ARFGEF2: variants seen among roughly 807,000 people sequenced by gnomAD.
The protein encoded by ARFGEF2 is ARF guanine nucleotide exchange factor 2, also known as brefeldin A-inhibited guanine nucleotide-exchange protein 2.
Under a neutral mutation model 219.9 loss-of-function variants are expected in ARFGEF2, and 74 were observed. The ratio of observed to expected loss-of-function variants is 0.34; its 90% CI spans 0.28 to 0.41. The LOEUF (loss-of-function observed/expected upper bound fraction) is 0.41. Ranked by LOEUF, ARFGEF2 falls within the 10% of genes least tolerant of loss-of-function variation. The pLI is 1.00. For missense variants in ARFGEF2, 1,743 were observed against 2,218.3 expected (o/e 0.79, Z 4.30); for synonymous variants, 733 against 799.2 (o/e 0.92, Z 1.40).
intron 6 of ARFGEF2, among the ~76,000 whole-genome samples, chr20:48,959,575 T>TTCCCTTCTTCCTTTCCTCCTTCCTTTTC (rs2091132173): frequency 3.4e-5 from 1 of 29,208 alleles, no homozygotes; most frequent in Non-Finnish European, 6.2e-5. Context: ...CCCTCCCTCC[T>TTCCCTTCTTCCTTTCCTCCTTCCTTTTC]TCCTTCCCTC....
intron 20 of ARFGEF2, 133 bp downstream of exon 20, chr20:48,989,817 A>G: frequency 7.4e-7 from 1 of 1,350,282 alleles, no homozygotes; most frequent in Non-Finnish European, 1.0e-6. Context: ...GCCTACTGAC[A>G]AGAAATCCGT....
intron 13 of ARFGEF2, among the ~76,000 whole-genome samples, 181 bp from the exon 14 acceptor site, chr20:48,975,835 G>C (rs1293945588): frequency 6.8e-6 from 1 of 147,676 alleles, no homozygotes; most frequent in East Asian, 2.0e-4. Flanking sequence ...CAAGTTTCAT[G>C]AGGAAACAAG....
chr20:49,019,432 G>T (rs1325108795), intron 34 of ARFGEF2, among the ~76,000 whole-genome samples: 1 of 152,068 alleles, frequency 6.6e-6, no homozygotes, highest in Non-Finnish European at 1.5e-5. Flanking sequence ...TGTTTTATAC[G>T]ATTGTCTATT....
At chr20:49,015,341 T>C (rs1287201859) in intron 30 of ARFGEF2, among the ~76,000 whole-genome samples, 1 of 152,178 alleles carries the variant, frequency 6.6e-6, no homozygotes, top group Non-Finnish European at 1.5e-5. Context: ...CTCAAACTCC[T>C]GACCTCAAGT....
chr20:48,933,247 G>A (rs1038392095), intron 1 of ARFGEF2, among the ~76,000 whole-genome samples: 1 of 152,216 alleles, frequency 6.6e-6, no homozygotes, highest in African/African-American at 2.4e-5. Context: ...GAGCAATAAA[G>A]TGGAGCAGGT....
intron 1 of ARFGEF2, 135 bp from the exon 2 acceptor site, chr20:48,941,064 A>T: frequency 1.3e-6 from 1 of 778,264 alleles, no homozygotes; most frequent in Non-Finnish European, 2.2e-6. Flanking sequence ...TATTTCTTTC[A>T]CTTCATATCA....
intron 37 of ARFGEF2, 139 bp downstream of exon 37, chr20:49,028,807 C>G: frequency 1.1e-6 from 1 of 878,052 alleles, no homozygotes; most frequent in South Asian, 1.5e-5. Context: ...TTTGGTGACT[C>G]TCCCATTTCA....
At position 48,921,756 on chromosome 20, in the gene ARFGEF2, A is replaced by C; in HGVS notation, c.-134A>C. On this transcript the variant is annotated 5_prime_UTR_variant, in exon 1 of 39. Coordinates refer to ENST00000371917, the MANE Select transcript of ARFGEF2 (RefSeq NM_006420.3). ...CCAACATGGCGGCGCCGTGGGGCCG[A>C]GGTGTCGCTTCCTGACGGGGCGGCG... is the stretch of plus-strand genomic sequence containing the variant. 1 of 934,542 alleles carries C rather than the reference A, an allele frequency of 1.1e-6. No individual in the cohort carries two copies. Among genetic ancestry groups the C allele is most frequent in the Non-Finnish European group, 1.3e-6 (1 of 742,642 alleles). 57.9% of individuals were successfully genotyped at this position (934,542 alleles called of 1,614,324 possible).
chr20:49,025,123 G>A (rs753182168), intron 35 of ARFGEF2, among the ~76,000 whole-genome samples, 190 bp from the exon 36 acceptor site: 1 of 152,178 alleles, frequency 6.6e-6, no homozygotes, highest in Non-Finnish European at 1.5e-5. Flanking sequence ...ATCATGGAAC[G>A]GCTCAGTGTG....
At position 49,005,109 on chromosome 20, in the gene ARFGEF2, G is replaced by A. The variant is rs773077638; in HGVS notation, c.3472G>A (p.Val1158Ile). 36 of 1,614,038 alleles carry A rather than the reference G, an allele frequency of 2.2e-5. No individual in the cohort carries two copies. Among genetic ancestry groups the A allele is most frequent in the Non-Finnish European group, 3.1e-5 (36 of 1,180,036 alleles). Reference sequence around the variant, plus strand: ...TAATGAAGATGTGGCTATCTTTGCTGTTGACTCATTAAGGCAACTCTCCAT... The same window carrying A: ...TAATGAAGATGTGGCTATCTTTGCTATTGACTCATTAAGGCAACTCTCCAT... ...NPNEDVAIFA[V>I]DSLRQLSMKF... The change falls in exon 26 of 39, where the codon GTT becomes ATT. Residue 1158 changes from valine (V) to isoleucine (I), a missense_variant. Around this residue, in one of 5 missense-constraint regions of ARFGEF2, gnomAD observed 102 missense variants for 146.8 expected, o/e 0.69. Transcript: ENST00000371917.
chr20:48,952,788 C>A lies in ARFGEF2; in HGVS notation c.507C>A (p.Ile169=), dbSNP rs1354021045. 1 of 1,614,208 alleles carries A rather than the reference C, an allele frequency of 6.2e-7. No individual in the cohort carries two copies. Among genetic ancestry groups the A allele is most frequent in the Non-Finnish European group, 8.5e-7 (1 of 1,180,016 alleles). Residue 169 remains isoleucine (I), a synonymous_variant, in exon 5 of 39, where the codon ATC becomes ATA. Transcript: ENST00000371917. ...ILQTVRTCYN[I]YLASKNLINQ... ...AGACAGTGAGAACATGTTACAATAT[C>A]TATTTGGCCAGCAAAAATCTCATCA...
chr20:48,994,487 C>T lies in ARFGEF2; in HGVS notation c.3010C>T (p.Leu1004=). ...CATCAGCCAGCTGGAGCTCGCTCAGCTGATAGGAACCGGTGTGAAGACGCG... is the reference window on the plus strand; with the variant it reads ...CATCAGCCAGCTGGAGCTCGCTCAGTTGATAGGAACCGGTGTGAAGACGCG... ...KCISQLELAQ[L]IGTGVKTRYL... The change falls in exon 22 of 39, where the codon CTG becomes TTG. Residue 1004 remains leucine (L), a synonymous_variant. Transcript: ENST00000371917. 6.2e-7 allele frequency: 1 copy of T among 1,614,096 alleles called. No homozygotes were observed. Among genetic ancestry groups the T allele is most frequent in the Non-Finnish European group, 8.5e-7 (1 of 1,180,020 alleles).
At chr20:48,987,868 A>C (rs1049301460) in intron 16 of ARFGEF2, among the ~76,000 whole-genome samples, 1 of 151,974 alleles carries the variant, frequency 6.6e-6, no homozygotes, top group African/African-American at 2.4e-5. Context: ...GCTCACTGCA[A>C]CCTCCACCTC....
intron 7 of ARFGEF2, 92 bp from the exon 8 acceptor site, chr20:48,965,780 G>A: frequency 6.8e-7 from 1 of 1,468,230 alleles, no homozygotes; most frequent in East Asian, 2.3e-5. Context: ...CAACAGCTGG[G>A]AGGTTCACAG....
intron 27 of ARFGEF2, 104 bp from the exon 28 acceptor site, chr20:49,011,820 A>G: frequency 7.8e-7 from 1 of 1,280,480 alleles, no homozygotes; most frequent in Non-Finnish European, 1.1e-6. Flanking sequence ...ACAGTTAATT[A>G]TCTCTGATGT....
At chr20:48,943,153 G>A (rs2091004730) in intron 3 of ARFGEF2, among the ~76,000 whole-genome samples, 1 of 152,140 alleles carries the variant, frequency 6.6e-6, no homozygotes, top group African/African-American at 2.4e-5. Context: ...AAAGATACTT[G>A]TTTTCAGTAG....
intron 25 of ARFGEF2, among the ~76,000 whole-genome samples, chr20:49,000,795 A>G (rs1039595052): frequency 6.6e-6 from 1 of 152,196 alleles, no homozygotes; most frequent in Non-Finnish European, 1.5e-5. Context: ...AACTCTTTAA[A>G]GTCTGCATTT....
In ARFGEF2 at chr20:48,975,785, T is replaced by C. The variant is rs900307187; in HGVS notation, c.1775-231T>C. 6.7e-5 allele frequency among the ~76,000 whole-genome samples: 7 copies of C among 104,180 alleles called. No homozygotes were observed. The East Asian group carries it at 2.5e-3, about 37-fold the overall frequency. 68.3% of individuals were successfully genotyped at this position (104,180 alleles called of 152,430 possible). A position where few individuals can be genotyped will look rare whatever the true frequency, so the allele number is the denominator to read the frequency against. On this transcript the variant is annotated intron_variant, in intron 13 of 38. Transcript: ENST00000371917. The stretch of plus-strand genomic sequence containing the variant: ...CACTGCACTCCAGCCAGGGTGACAG[T>C]GCGAGACTCCATCTCAAAAAAAAAA...
At chr20:48,964,229 A>T (rs975049367) in intron 7 of ARFGEF2, among the ~76,000 whole-genome samples, 14 of 152,312 alleles carry the variant, frequency 9.2e-5, no homozygotes, top group Admixed American at 3.3e-4. Context: ...CAATATGGTG[A>T]AACCCTGTCT....
Sources: gnomAD v4.1 joint callset for allele counts (sites outside exome capture counted in the v4.1 genomes callset) on GRCh38, gnomAD v4.1.1 for gene constraint, gnomAD v4.1.1 regional missense constraint, MANE v1.5 for transcripts, NCBI Gene and HGNC (gene_info 2026-07-23, HGNC 2026-07-21) for gene names.